STXBP5L: variants seen among roughly 807,000 people sequenced by gnomAD.
STXBP5L encodes syntaxin binding protein 5L.
Under a neutral mutation model 144.5 loss-of-function variants are expected in STXBP5L, and 65 were observed. That is an observed-to-expected ratio of 0.45 (90% CI 0.37 to 0.55). STXBP5L has a LOEUF of 0.55. Among genes scored for constraint, STXBP5L ranks in the 20% least tolerant of loss-of-function variants. The pLI is 0.00. For synonymous variants in STXBP5L, 505 were observed against 469.6 expected (o/e 1.08, Z -0.97); for missense variants, 1,298 against 1,405.5 (o/e 0.92, Z 1.22).
rs754038687 is a variant in STXBP5L, at chr3:121,407,487, C to T, written c.2832C>T (p.Cys944=). ...AKVFSLPSQT[C]LYVHNITETS... is the part of the protein sequence containing the mutation. ...TCTTCTCACTGCCTTCTCAGACTTGCCTTTATGTTCATAACATCACGGAGA... is the reference window on the plus strand; with the variant it reads ...TCTTCTCACTGCCTTCTCAGACTTGTCTTTATGTTCATAACATCACGGAGA... The change falls in exon 23 of 27, where the codon TGC becomes TGT. Residue 944 remains cysteine (C), a synonymous_variant. Transcript: ENST00000471454. The T allele has an allele frequency of 8.1e-6, 13 of 1,613,336 alleles. No individual in the cohort carries two copies. The South Asian group carries it at 8.8e-5, about 11-fold the overall frequency.
chr3:121,032,451 T>A (rs1256562547), intron 3 of STXBP5L, among the ~76,000 whole-genome samples: 1 of 152,138 alleles, frequency 6.6e-6, no homozygotes, highest in Non-Finnish European at 1.5e-5. Flanking sequence ...TAAATTCATG[T>A]GTTTTTCATA....
chr3:121,115,352 C>G (rs987676362), intron 6 of STXBP5L, among the ~76,000 whole-genome samples: 1 of 152,118 alleles, frequency 6.6e-6, no homozygotes, highest in South Asian at 2.1e-4. Flanking sequence ...TATAATCAAG[C>G]TTAGTATAGC....
chr3:121,199,998 AAAATGAGTTAGGGAGGAGTGCC>A (rs2048076391), intron 9 of STXBP5L, among the ~76,000 whole-genome samples: 1 of 152,160 alleles, frequency 6.6e-6, no homozygotes, highest in Non-Finnish European at 1.5e-5. Flanking sequence ...CTGGCCTCAC[AAAATGAGTTAGGGAGGAGTGCC>A]TCTTTTTCTT....
intron 20 of STXBP5L, among the ~76,000 whole-genome samples, chr3:121,320,228 T>C (rs2043924588): frequency 6.6e-6 from 1 of 152,186 alleles, no homozygotes; most frequent in Non-Finnish European, 1.5e-5. Flanking sequence ...CTTGCATATC[T>C]TTCATTAAAT....
intron 20 of STXBP5L, among the ~76,000 whole-genome samples, chr3:121,351,192 C>G (rs868640055): frequency 6.6e-6 from 1 of 152,162 alleles, no homozygotes; most frequent in African/African-American, 2.4e-5. Flanking sequence ...GGACCCTCAG[C>G]TGCAGGTCTG....
At chr3:121,172,488 G>A (rs2046762932) in intron 9 of STXBP5L, among the ~76,000 whole-genome samples, 1 of 151,710 alleles carries the variant, frequency 6.6e-6, no homozygotes, top group African/African-American at 2.4e-5. Context: ...AAGTTTACAA[G>A]TAAAAAACAA....
At chr3:121,071,415 C>A (rs991200800) in intron 5 of STXBP5L, among the ~76,000 whole-genome samples, 4 of 152,188 alleles carry the variant, frequency 2.6e-5, no homozygotes, top group Admixed American at 1.3e-4. Context: ...ATGGACCGAC[C>A]AGCCTCTGGT....
chr3:121,115,113 G>C (rs988854001), intron 6 of STXBP5L, 54 bp downstream of exon 6: 2 of 1,514,846 alleles, frequency 1.3e-6, no homozygotes, highest in Non-Finnish European at 1.8e-6. Context: ...ATACAGTTAT[G>C]TAACATGTAG....
intron 20 of STXBP5L, among the ~76,000 whole-genome samples, chr3:121,325,499 A>G (rs2108546209): frequency 6.6e-6 from 1 of 152,180 alleles, no homozygotes; most frequent in African/African-American, 2.4e-5. Context: ...AAATAATCAC[A>G]ATTAAAATTA....
At chr3:120,994,268 A>G (rs1252779945) in intron 3 of STXBP5L, among the ~76,000 whole-genome samples, 1 of 151,906 alleles carries the variant, frequency 6.6e-6, no homozygotes, top group African/African-American at 2.4e-5. Flanking sequence ...TCTAATTTGG[A>G]TGCCTTTTAT....
intron 20 of STXBP5L, among the ~76,000 whole-genome samples, chr3:121,329,340 C>G (rs1387085461): frequency 1.3e-5 from 2 of 152,146 alleles, no homozygotes; most frequent in Non-Finnish European, 2.9e-5. Flanking sequence ...GAGGTGTCCA[C>G]TAAGTCTCTC....
chr3:121,044,569 G>C (rs1471721391), intron 4 of STXBP5L, among the ~76,000 whole-genome samples: 2 of 152,156 alleles, frequency 1.3e-5, no homozygotes, highest in African/African-American at 4.8e-5. Flanking sequence ...CACTCTTAGA[G>C]AACACATTTA....
intron 3 of STXBP5L, among the ~76,000 whole-genome samples, chr3:120,998,448 A>C (rs2108021507): frequency 6.6e-6 from 1 of 152,184 alleles, no homozygotes; most frequent in South Asian, 2.1e-4. Flanking sequence ...TTTGTTACAT[A>C]GGTATACACG....
chr3:121,005,411 G>A (rs1576635465), intron 3 of STXBP5L, among the ~76,000 whole-genome samples: 1 of 151,920 alleles, frequency 6.6e-6, no homozygotes. Context: ...CCTTTATCAT[G>A]TTTTATTGCG....
At position 121,254,909 on chromosome 3, in the gene STXBP5L, C is replaced by G. The variant is rs751583842; in HGVS notation, c.1456C>G (p.Leu486Val). 1.9e-5 allele frequency: 31 copies of G among 1,611,526 alleles called. No individual in the cohort carries two copies. Among genetic ancestry groups the G allele is most frequent in the Non-Finnish European group, 2.5e-5 (30 of 1,178,876 alleles). The change falls in exon 16 of 27, where the codon CTG (leucine) becomes GTG (valine). Residue 486 changes from leucine to valine, a missense_variant. Physicochemically the swap from Leu to Val is conservative, Grantham distance 32 (BLOSUM62 1). Coordinates refer to ENST00000471454, the MANE Select transcript of STXBP5L (RefSeq NM_001308330.2). ...ATGTCTTATAGTAACTCTGCAGATG[C>G]TGTACAAGCTAAAAACTTCAAAAGT... ...WDASAITLQM[L>V]YKLKTSKVFE...
chr3:121,362,844 C>G (rs1269039672), intron 20 of STXBP5L, among the ~76,000 whole-genome samples: 3 of 152,098 alleles, frequency 2.0e-5, no homozygotes, highest in African/African-American at 4.8e-5. Flanking sequence ...TGTGCTGAGT[C>G]TCACCTGAAA....
At chr3:121,160,564 T>C (rs1014628542) in intron 9 of STXBP5L, among the ~76,000 whole-genome samples, 9 of 152,204 alleles carry the variant, frequency 5.9e-5, no homozygotes, top group Admixed American at 2.0e-4. Flanking sequence ...TGCCATTTTA[T>C]ATAACAGACT....
intron 20 of STXBP5L, among the ~76,000 whole-genome samples, chr3:121,349,068 A>C (rs199763477): frequency 5.9e-5 from 9 of 151,716 alleles, no homozygotes; most frequent in African/African-American, 9.7e-5. Flanking sequence ...AGTTTTAGAT[A>C]TTTCCTGCTT....
intron 11 of STXBP5L, among the ~76,000 whole-genome samples, chr3:121,224,212 G>A (rs965652715): frequency 6.6e-6 from 1 of 152,008 alleles, no homozygotes; most frequent in Non-Finnish European, 1.5e-5. Flanking sequence ...TAGTAATATG[G>A]TCTCCACATG....
Sources: gnomAD v4.1 joint callset for allele counts (sites outside exome capture counted in the v4.1 genomes callset) on GRCh38, gnomAD v4.1.1 for gene constraint, MANE v1.5 for transcripts, NCBI Gene and HGNC (gene_info 2026-07-23, HGNC 2026-07-21) for gene names.